ADAMTS12: variants seen among roughly 807,000 people sequenced by gnomAD.
The protein encoded by ADAMTS12 is ADAM metallopeptidase with thrombospondin type 1 motif 12, also known as A disintegrin and metalloproteinase with thrombospondin motifs 12.
ADAMTS12 carries 118 observed loss-of-function variants against 167.8 expected under a neutral mutation model. The observed-to-expected ratio is 0.70, with a 90% CI of 0.61 to 0.82. ADAMTS12 has a LOEUF of 0.82. Among genes scored for constraint, ADAMTS12 ranks in the 40% least tolerant of loss-of-function variants. ADAMTS12 has a pLI of 0.00. For synonymous variants in ADAMTS12, 704 were observed against 716.9 expected (o/e 0.98, Z 0.29); for missense variants, 1,916 against 1,998.8 (o/e 0.96, Z 0.79).
At chr5:33,618,103 T>C (rs528645846) in intron 14 of ADAMTS12, among the ~76,000 whole-genome samples, 1 of 152,322 alleles carries the variant, frequency 6.6e-6, no homozygotes, top group East Asian at 1.9e-4. Flanking sequence ...CACTAATACA[T>C]ATTTTTTGTG....
At chr5:33,688,718 G>A (rs1742442617) in intron 3 of ADAMTS12, among the ~76,000 whole-genome samples, 1 of 152,202 alleles carries the variant, frequency 6.6e-6, no homozygotes, top group South Asian at 2.1e-4. Context: ...ACATTCTGGA[G>A]TGCTTTTTAA....
intron 2 of ADAMTS12, among the ~76,000 whole-genome samples, chr5:33,758,229 G>A (rs1235733583): frequency 6.6e-6 from 1 of 152,048 alleles, no homozygotes; most frequent in Non-Finnish European, 1.5e-5. Flanking sequence ...CACAAGTTAA[G>A]GGTTTCTGTA....
intron 18 of ADAMTS12, among the ~76,000 whole-genome samples, chr5:33,582,934 G>A (rs551367805): frequency 1.3e-5 from 2 of 152,312 alleles, no homozygotes; most frequent in Admixed American, 6.5e-5. Flanking sequence ...AAATAAGCAC[G>A]TCATAGAGAA....
At chr5:33,754,860 C>G (rs905591525) in intron 2 of ADAMTS12, among the ~76,000 whole-genome samples, 1 of 151,650 alleles carries the variant, frequency 6.6e-6, no homozygotes. Context: ...AACTCCATCT[C>G]AAAATAAATA....
chr5:33,625,008 T>C (rs189078969), intron 13 of ADAMTS12, among the ~76,000 whole-genome samples: 15 of 152,316 alleles, frequency 9.8e-5, no homozygotes, highest in African/African-American at 2.4e-4. Context: ...AATCTCTTTT[T>C]AGAGAGAGAT....
At chr5:33,652,696 C>A (rs940785810) in intron 7 of ADAMTS12, among the ~76,000 whole-genome samples, 1 of 152,018 alleles carries the variant, frequency 6.6e-6, no homozygotes, top group East Asian at 1.9e-4. Flanking sequence ...GCCATAAATT[C>A]TTTGCCTGGA....
At chr5:33,859,509 T>A (rs1749524852) in intron 2 of ADAMTS12, among the ~76,000 whole-genome samples, 1 of 152,202 alleles carries the variant, frequency 6.6e-6, no homozygotes, top group African/African-American at 2.4e-5. Flanking sequence ...GCAGCTCCAG[T>A]CAGGGGCTTA....
In ADAMTS12 at chr5:33,682,978, C is replaced by T. The variant is rs372837936; in HGVS notation, c.915+40G>A. 17 of 1,553,350 alleles carry T rather than the reference C, an allele frequency of 1.1e-5. No homozygotes were observed. The East Asian group carries it at 1.6e-4, about 15-fold the overall frequency. ...CCTGAAAAAAAGAAGGTAGGAAGTG[C>T]GAGGACATATAGCAGAAGAGTGAAG... On this transcript the variant is annotated intron_variant, in intron 5 of 23. Transcript: ENST00000504830.
intron 2 of ADAMTS12, among the ~76,000 whole-genome samples, chr5:33,825,412 C>T (rs1748026411): frequency 6.6e-6 from 1 of 152,102 alleles, no homozygotes; most frequent in African/African-American, 2.4e-5. Context: ...CTGGATATAT[C>T]ATGTCATTAG....
chr5:33,643,408 A>C lies in ADAMTS12; in HGVS notation c.1542T>G (p.Ala514=), dbSNP rs1412611887. ...TCTCACCACATTGAGTTCCATCTGC[A>C]GCAGCGTCCAGCTTAGAGCGACAAA... is the stretch of plus-strand genomic sequence containing the variant. ...KGFCRSKLDA[A]ADGTQCGEKK... Residue 514 remains alanine (A), a synonymous_variant, in exon 10 of 24, where the codon GCT becomes GCG. Coordinates refer to ENST00000504830, the MANE Select transcript of ADAMTS12 (RefSeq NM_030955.4). The C allele has an allele frequency of 6.2e-7, 1 of 1,614,158 alleles. No homozygotes were observed. Among genetic ancestry groups the C allele is most frequent in the Non-Finnish European group, 8.5e-7 (1 of 1,179,986 alleles).
In ADAMTS12 at chr5:33,607,541, G is replaced by A. The variant is rs553731882; in HGVS notation, c.2527+6697C>T. ...TTTACAATAGTTTTTTTCTAGTTCC[G>A]TGAAGAATCTAAATGGTAGTTTAAT... is the stretch of plus-strand genomic sequence containing the variant. On this transcript the variant is annotated intron_variant, in intron 16 of 23. Transcript: ENST00000504830. Among the ~76,000 whole-genome samples, 7 of 152,148 alleles carry A rather than the reference G, an allele frequency of 4.6e-5. No homozygotes were observed. The Middle Eastern group carries it at 0.014, about 296-fold the overall frequency.
rs55980424 is a variant in ADAMTS12 at position 33,548,702 on chromosome 5, GCACA to G, written c.4302+501_4302+504del. On this transcript the variant is annotated intron_variant, in intron 21 of 23. Coordinates refer to ENST00000504830, the MANE Select transcript of ADAMTS12 (RefSeq NM_030955.4). ...CAGAGCCAGGGCCCTCATAAAGAGA[GCACA>G]CACACACACACACACACACACACTC... 9.3e-4 allele frequency among the ~76,000 whole-genome samples: 139 copies of G among 148,968 alleles called. No homozygotes were observed. In the East Asian group the frequency reaches 0.011, roughly 12 times the overall value.
At chr5:33,529,594 C>T (rs564726444) in intron 23 of ADAMTS12, among the ~76,000 whole-genome samples, 4 of 152,226 alleles carry the variant, frequency 2.6e-5, no homozygotes, top group Admixed American at 1.3e-4. Context: ...CCCAAATTTG[C>T]GACAGTATCT....
intron 21 of ADAMTS12, among the ~76,000 whole-genome samples, chr5:33,546,632 G>A (rs866934337): frequency 4.7e-4 from 71 of 152,298 alleles, no homozygotes; most frequent in African/African-American, 1.7e-3. Flanking sequence ...GTCCATAGTA[G>A]GAGTAATAAA....
intron 3 of ADAMTS12, among the ~76,000 whole-genome samples, chr5:33,749,873 G>A (rs1184438416): frequency 6.6e-6 from 1 of 152,154 alleles, no homozygotes; most frequent in Non-Finnish European, 1.5e-5. Flanking sequence ...GGAGTTATGA[G>A]AGAGAGGTGT....
At chr5:33,668,361 A>G (rs1741546206) in intron 5 of ADAMTS12, among the ~76,000 whole-genome samples, 1 of 152,204 alleles carries the variant, frequency 6.6e-6, no homozygotes, top group African/African-American at 2.4e-5. Context: ...CTCAAGTCAA[A>G]AAATCATAAA....
At chr5:33,660,471 T>C (rs1206825436) in intron 6 of ADAMTS12, among the ~76,000 whole-genome samples, 3 of 152,228 alleles carry the variant, frequency 2.0e-5, no homozygotes, top group Non-Finnish European at 2.9e-5. Flanking sequence ...GCCTGGTCCA[T>C]ATCAAACATT....
At chr5:33,770,196 A>G (rs1169765605) in intron 2 of ADAMTS12, among the ~76,000 whole-genome samples, 1 of 152,168 alleles carries the variant, frequency 6.6e-6, no homozygotes, top group Non-Finnish European at 1.5e-5. Flanking sequence ...AGGGCTTTGA[A>G]GAGGAAATGG....
At chr5:33,804,236 A>G (rs1475675914) in intron 2 of ADAMTS12, among the ~76,000 whole-genome samples, 2 of 152,186 alleles carry the variant, frequency 1.3e-5, no homozygotes, top group Non-Finnish European at 1.5e-5. Flanking sequence ...ATCTTCATAT[A>G]TAGAGTTCCC....
Sources: gnomAD v4.1 joint callset for allele counts (sites outside exome capture counted in the v4.1 genomes callset) on GRCh38, gnomAD v4.1.1 for gene constraint, MANE v1.5 for transcripts, NCBI Gene and HGNC (gene_info 2026-07-23, HGNC 2026-07-21) for gene names.